The following PTPRE variants were observed in gnomAD, a reference collection of about 807,000 sequenced individuals.
The protein encoded by PTPRE is receptor-type tyrosine-protein phosphatase epsilon.
Under a neutral mutation model 102.0 loss-of-function variants are expected in PTPRE, and 51 were observed. The ratio of observed to expected loss-of-function variants is 0.50; its 90% CI spans 0.40 to 0.63. The LOEUF (loss-of-function observed/expected upper bound fraction) is 0.63, where lower values mean the gene tolerates loss of function less well. Among genes scored for constraint, PTPRE ranks in the 30% least tolerant of loss-of-function variants. PTPRE has a pLI of 0.00. For synonymous variants in PTPRE, 345 were observed against 348.2 expected (o/e 0.99, Z 0.10); for missense variants, 752 against 915.1 (o/e 0.82, Z 2.30).
chr10:127,953,648 T>C (rs540897970), intron 1 of PTPRE, among the ~76,000 whole-genome samples: 1 of 152,340 alleles, frequency 6.6e-6, no homozygotes, highest in Admixed American at 6.5e-5. Flanking sequence ...CTATGCTGCC[T>C]TCTCTCTCTT....
At chr10:128,051,451 C>T (rs569581930) in intron 6 of PTPRE, among the ~76,000 whole-genome samples, 11 of 152,230 alleles carry the variant, frequency 7.2e-5, no homozygotes, top group Non-Finnish European at 1.0e-4. Context: ...GAAAATAACA[C>T]GACCATAAAG....
intron 2 of PTPRE, among the ~76,000 whole-genome samples, chr10:128,034,166 A>G (rs910925524): frequency 5.3e-5 from 8 of 152,208 alleles, no homozygotes; most frequent in African/African-American, 1.9e-4. Context: ...CGGGCCTTCA[A>G]AGAATTATTT....
chr10:127,965,777 A>G (rs12254251), intron 1 of PTPRE, among the ~76,000 whole-genome samples: 5,659 of 152,300 alleles, frequency 0.037, 377 homozygotes, highest in African/African-American at 0.13. Flanking sequence ...GGACAGCATC[A>G]GAGATCTGCT....
At chr10:128,071,005 C>A in intron 15 of PTPRE, 104 bp downstream of exon 15, 2 of 1,169,726 alleles carry the variant, frequency 1.7e-6, no homozygotes, top group South Asian at 1.4e-5. Context: ...GCACCAGGGT[C>A]AAAAGCAGGG....
chr10:128,057,090 G>A (rs368598779), intron 7 of PTPRE, among the ~76,000 whole-genome samples: 2 of 152,116 alleles, frequency 1.3e-5, no homozygotes, highest in African/African-American at 2.4e-5. Context: ...GGTGGTGGAC[G>A]CCTGTAATTC....
chr10:127,943,561 G>A (rs1848402785), intron 1 of PTPRE, among the ~76,000 whole-genome samples: 1 of 152,214 alleles, frequency 6.6e-6, no homozygotes, highest in Admixed American at 6.5e-5. Flanking sequence ...GTGAGACAAT[G>A]CGGTGGTCAT....
intron 4 of PTPRE, 117 bp downstream of exon 4, chr10:128,047,606 G>T (rs946524337): frequency 2.5e-6 from 4 of 1,613,566 alleles, no homozygotes; most frequent in Non-Finnish European, 3.4e-6. Flanking sequence ...GGGTGGCTGG[G>T]CCTGGGAGAC....
chr10:128,063,046 C>T (rs757719038), intron 9 of PTPRE, 37 bp from the exon 10 acceptor site: 2 of 1,612,832 alleles, frequency 1.2e-6, no homozygotes, highest in Middle Eastern at 1.7e-4. Context: ...GACTTCCCTT[C>T]ATGCCTTTTG....
At chr10:128,055,833 C>A (rs1237758334) in intron 6 of PTPRE, among the ~76,000 whole-genome samples, 1 of 152,222 alleles carries the variant, frequency 6.6e-6, no homozygotes, top group East Asian at 1.9e-4. Context: ...CATGGAAATG[C>A]AAAGGCAAGT....
chr10:128,039,256 G>A (rs1422865622), intron 2 of PTPRE, among the ~76,000 whole-genome samples: 1 of 152,174 alleles, frequency 6.6e-6, no homozygotes, highest in African/African-American at 2.4e-5. Flanking sequence ...CGGGGGTGAG[G>A]GCTTCTGTCT....
intron 1 of PTPRE, among the ~76,000 whole-genome samples, chr10:127,959,300 C>T (rs1488867983): frequency 6.6e-6 from 1 of 152,224 alleles, no homozygotes; most frequent in African/African-American, 2.4e-5. Flanking sequence ...AAAGCTTACC[C>T]AGTTCATGCA....
chr10:128,016,114 G>C (rs1021782442), intron 2 of PTPRE, among the ~76,000 whole-genome samples: 4 of 152,186 alleles, frequency 2.6e-5, no homozygotes, highest in Non-Finnish European at 5.9e-5. Context: ...GTCTAGGATA[G>C]TGACAGATGT....
intron 2 of PTPRE, among the ~76,000 whole-genome samples, chr10:128,014,889 T>G (rs946724590): frequency 6.6e-6 from 1 of 152,082 alleles, no homozygotes; most frequent in African/African-American, 2.4e-5. Flanking sequence ...GGAGATGACA[T>G]GGCTGGGAAT....
intron 2 of PTPRE, among the ~76,000 whole-genome samples, chr10:128,036,753 C>T (rs966660138): frequency 6.6e-6 from 1 of 152,150 alleles, no homozygotes; most frequent in African/African-American, 2.4e-5. Context: ...CCATTGCCTC[C>T]GGCTTGGTCT....
intron 2 of PTPRE, among the ~76,000 whole-genome samples, chr10:128,039,941 G>A (rs1161600393): frequency 6.6e-6 from 1 of 152,220 alleles, no homozygotes; most frequent in Admixed American, 6.5e-5. Context: ...ATGCTCTGAT[G>A]TTTTGGCAAA....
intron 2 of PTPRE, among the ~76,000 whole-genome samples, chr10:128,030,507 G>C (rs192477223): frequency 1.3e-5 from 2 of 152,292 alleles, no homozygotes; most frequent in Non-Finnish European, 2.9e-5. Context: ...AGAAAGTGCC[G>C]TGAGTTGATG....
chr10:128,045,744 C>T (rs929630445), intron 3 of PTPRE, among the ~76,000 whole-genome samples: 4 of 152,228 alleles, frequency 2.6e-5, no homozygotes, highest in African/African-American at 9.6e-5. Context: ...CCCAGGGAAG[C>T]TCTGCTGTGG....
intron 7 of PTPRE, among the ~76,000 whole-genome samples, chr10:128,057,967 T>C (rs755767100): frequency 1.4e-4 from 21 of 152,266 alleles, no homozygotes; most frequent in South Asian, 2.1e-4. Context: ...TTAGTTTCAC[T>C]GCTTAATTTA....
At chr10:127,987,785 A>G (rs1443726855) in intron 2 of PTPRE, among the ~76,000 whole-genome samples, 4 of 152,220 alleles carry the variant, frequency 2.6e-5, no homozygotes, top group Non-Finnish European at 5.9e-5. Context: ...CCCATTGTAA[A>G]TTAGACATTT....
Sources: gnomAD v4.1 joint callset for allele counts (sites outside exome capture counted in the v4.1 genomes callset) on GRCh38, gnomAD v4.1.1 for gene constraint, MANE v1.5 for transcripts, NCBI Gene and HGNC (gene_info 2026-07-23, HGNC 2026-07-21) for gene names.